The following ACVR2A variants were observed in gnomAD, a reference collection of about 807,000 sequenced individuals.
ACVR2A encodes the protein activin receptor type-2A.
In ACVR2A, 7 loss-of-function variants were observed where a neutral mutation model predicts 61.4. The ratio of observed to expected loss-of-function variants is 0.11; its 90% CI spans 0.06 to 0.21. The LOEUF (loss-of-function observed/expected upper bound fraction) is 0.21, where lower values mean the gene tolerates loss of function less well. ACVR2A is among the 10% of genes least tolerant of loss of function. ACVR2A has a pLI of 1.00. For missense variants in ACVR2A, 322 were observed against 621.7 expected (o/e 0.52, Z 5.13); for synonymous variants, 193 against 208.3 (o/e 0.93, Z 0.63).
intron 1 of ACVR2A, among the ~76,000 whole-genome samples, chr2:147,890,235 T>G (rs1686548101): frequency 2.6e-5 from 4 of 152,124 alleles, no homozygotes; most frequent in Admixed American, 2.6e-4. Context: ...GCAGCCCTTC[T>G]TCTATAGAAT....
chr2:147,919,980 T>C (rs1189105507), intron 7 of ACVR2A, among the ~76,000 whole-genome samples: 1 of 152,132 alleles, frequency 6.6e-6, no homozygotes, highest in East Asian at 1.9e-4. Context: ...GTATGGCAGA[T>C]TTTTATATAA....
intron 4 of ACVR2A, chr2:147,902,731 C>T (rs1379162860): frequency 6.6e-6 from 1 of 151,864 alleles, no homozygotes; most frequent in East Asian, 1.9e-4. Context: ...ACTGCCAATT[C>T]CTATTAAGAC....
chr2:147,874,613 CTG>C (rs1686107980), intron 1 of ACVR2A, among the ~76,000 whole-genome samples: 2 of 151,864 alleles, frequency 1.3e-5, no homozygotes. Flanking sequence ...CAGTCAGTCT[CTG>C]AGAGTAGAAC....
At chr2:147,889,725 C>A (rs952330185) in intron 1 of ACVR2A, among the ~76,000 whole-genome samples, 1 of 151,468 alleles carries the variant, frequency 6.6e-6, no homozygotes, top group Admixed American at 6.6e-5. Flanking sequence ...CCAGCCTGGG[C>A]GACAGAGTGA....
At chr2:147,846,556 G>A (rs548801223) in intron 1 of ACVR2A, among the ~76,000 whole-genome samples, 1 of 152,260 alleles carries the variant, frequency 6.6e-6, no homozygotes, top group East Asian at 1.9e-4. Context: ...TGGGCTGAAT[G>A]TGTTGTGAAA....
chr2:147,877,709 G>T (rs1244466395), intron 1 of ACVR2A, among the ~76,000 whole-genome samples: 1 of 152,114 alleles, frequency 6.6e-6, no homozygotes, highest in African/African-American at 2.4e-5. Flanking sequence ...ATCAGTCATT[G>T]ATTATTGTTG....
At chr2:147,920,497 A>G (rs894944061) in intron 8 of ACVR2A, among the ~76,000 whole-genome samples, 153 bp downstream of exon 8, 7 of 152,226 alleles carry the variant, frequency 4.6e-5, no homozygotes, top group Admixed American at 1.3e-4. Context: ...ACATTTTCAT[A>G]TGATGGTAGA....
chr2:147,865,423 T>G (rs773454995), intron 1 of ACVR2A, among the ~76,000 whole-genome samples: 3 of 152,232 alleles, frequency 2.0e-5, no homozygotes, highest in Non-Finnish European at 4.4e-5. Flanking sequence ...GATTATGAAT[T>G]GACTTTTCTA....
intron 1 of ACVR2A, among the ~76,000 whole-genome samples, chr2:147,892,686 A>G (rs962714594): frequency 5.3e-5 from 8 of 151,936 alleles, no homozygotes; most frequent in Admixed American, 3.3e-4. Context: ...TTGTAGTAGA[A>G]GAAAACTGGA....
At chr2:147,924,585 A>G (rs1046905274) in intron 9 of ACVR2A, among the ~76,000 whole-genome samples, 10 of 151,980 alleles carry the variant, frequency 6.6e-5, no homozygotes, top group African/African-American at 2.4e-4. Context: ...GCCATGAAAT[A>G]ATTTCAGAGT....
intron 1 of ACVR2A, among the ~76,000 whole-genome samples, chr2:147,862,738 T>A (rs1290597451): frequency 7.1e-6 from 1 of 141,582 alleles, no homozygotes; most frequent in Non-Finnish European, 1.6e-5. Flanking sequence ...AGCGAGACTC[T>A]GTCTCAAAAA....
chr2:147,888,666 C>T (rs1390879510), intron 1 of ACVR2A, among the ~76,000 whole-genome samples: 1 of 150,416 alleles, frequency 6.6e-6, no homozygotes, highest in African/African-American at 2.4e-5. Flanking sequence ...AGTTCGGGGG[C>T]TGCTGCTGCT....
At chr2:147,860,154 A>G (rs746589127) in intron 1 of ACVR2A, among the ~76,000 whole-genome samples, 2 of 152,146 alleles carry the variant, frequency 1.3e-5, no homozygotes, top group Admixed American at 1.3e-4. Context: ...TGTCCTCTGT[A>G]GTACTATCCC....
chr2:147,858,218 A>T (rs1212591303), intron 1 of ACVR2A, among the ~76,000 whole-genome samples: 2 of 152,172 alleles, frequency 1.3e-5, no homozygotes, highest in African/African-American at 4.8e-5. Flanking sequence ...CAACCTTTAA[A>T]ACTTTGAAAT....
At position 147,925,998 on chromosome 2, in the gene ACVR2A, A is replaced by G. The variant is rs769337220; in HGVS notation, c.1217-33A>G. 41 of 1,590,062 alleles carry G rather than the reference A, an allele frequency of 2.6e-5. 1 individual carries two copies. Among genetic ancestry groups the G allele is most frequent in the African/African-American group, 5.5e-5 (4 of 73,380 alleles). On this transcript the variant is annotated intron_variant, in intron 9 of 10. Transcript: ENST00000241416. Reference sequence around the variant, plus strand: ...TTTGAAAGTCAGGAGGATTTTAATGAAAATGATTTATTTTACTTTTCTTAC... The same window carrying G: ...TTTGAAAGTCAGGAGGATTTTAATGGAAATGATTTATTTTACTTTTCTTAC...
At chr2:147,866,333 T>A (rs1464869369) in intron 1 of ACVR2A, among the ~76,000 whole-genome samples, 1 of 152,218 alleles carries the variant, frequency 6.6e-6, no homozygotes, top group Admixed American at 6.5e-5. Flanking sequence ...AGCTTTAATA[T>A]GCATAGGAAC....
In ACVR2A at chr2:147,923,100, C is replaced by T. The variant is rs199516039; in HGVS notation, c.1205C>T (p.Thr402Ile). The T allele has an allele frequency of 6.2e-7, 1 of 1,608,412 alleles. No individual in the cohort carries two copies. The highest frequency in any genetic ancestry group is 1.1e-5 in the South Asian group (1 of 89,842). ...CTATGGGAACTGGCTTCTCGCTGTACTGCTGCAGATGGTAAGGGAAAAAAA... is the reference window on the plus strand; with the variant it reads ...CTATGGGAACTGGCTTCTCGCTGTATTGCTGCAGATGGTAAGGGAAAAAAA... ...LVLWELASRC[T>I]AADGPVDEYM... Residue 402 changes from threonine (T) to isoleucine (I), a missense_variant, in exon 9 of 11, where the codon ACT (threonine) becomes ATT (isoleucine). By Grantham distance (89) the Thr-to-Ile change is moderately conservative (BLOSUM62 -1). Transcript: ENST00000241416.
rs570096763 is a variant in ACVR2A, at chr2:147,903,270, T to C, written c.528+3372T>C. Among the ~76,000 whole-genome samples, 33 of 150,120 alleles carry C rather than the reference T, an allele frequency of 2.2e-4. 1 individual carries two copies. The South Asian group carries it at 6.9e-3, about 31-fold the overall frequency. ...CTGGTCGTTTTTTTTTTTTCATAAG[T>C]CCTATATTTCTGTCATTGTTTCATG... On this transcript the variant is annotated intron_variant, in intron 4 of 10. Transcript: ENST00000241416.
At chr2:147,892,261 T>TGATGTGA (rs1686606567) in intron 1 of ACVR2A, among the ~76,000 whole-genome samples, 1 of 151,834 alleles carries the variant, frequency 6.6e-6, no homozygotes, top group African/African-American at 2.4e-5. Context: ...TGAGCCACCG[T>TGATGTGA]GCTGGGCCCA....
Sources: gnomAD v4.1 joint callset for allele counts (sites outside exome capture counted in the v4.1 genomes callset) on GRCh38, gnomAD v4.1.1 for gene constraint, MANE v1.5 for transcripts, NCBI Gene and HGNC (gene_info 2026-07-23, HGNC 2026-07-21) for gene names.